Variants in SCHIP1 observed in about 807,000 individuals in gnomAD.
SCHIP1 encodes schwannomin interacting protein 1.
A neutral mutation model predicts 29.7 loss-of-function variants in SCHIP1; 8 were observed. The ratio of observed to expected loss-of-function variants is 0.27; its 90% CI spans 0.16 to 0.49. The LOEUF is 0.49. SCHIP1 is among the 20% of genes least tolerant of loss of function. SCHIP1 has a pLI of 0.99. For missense variants in SCHIP1, 193 were observed against 294.6 expected, an observed-to-expected ratio of 0.66 and a Z score of 2.52; for synonymous variants, 76 against 94.9, an observed-to-expected ratio of 0.80 and a Z score of 1.16.
the SCHIP1 span, among the ~76,000 whole-genome samples, chr3:159,822,374 T>C: frequency 9.2e-5 from 14 of 151,912 alleles, no homozygotes; most frequent in African/African-American, 3.4e-4. Flanking sequence ...TAAGGCCTAG[T>C]GCAATGGAAG....
At chr3:159,737,233 A>G in the SCHIP1 span, among the ~76,000 whole-genome samples, 3 of 152,032 alleles carry the variant, frequency 2.0e-5, no homozygotes, top group African/African-American at 4.8e-5. Context: ...TATCACTTCT[A>G]TTATCCACTC....
the SCHIP1 span, among the ~76,000 whole-genome samples, chr3:159,631,694 C>T: frequency 1.3e-5 from 2 of 152,072 alleles, no homozygotes; most frequent in African/African-American, 4.8e-5. Context: ...GGAGTTATCG[C>T]TTAATAGTTA....
chr3:159,736,031 T>C, the SCHIP1 span, among the ~76,000 whole-genome samples: 1 of 152,146 alleles, frequency 6.6e-6, no homozygotes, highest in African/African-American at 2.4e-5. Flanking sequence ...TCAGTAATTA[T>C]GTTGGATCTG....
chr3:159,512,432 G>A, the SCHIP1 span, among the ~76,000 whole-genome samples: 1 of 152,110 alleles, frequency 6.6e-6, no homozygotes, highest in Non-Finnish European at 1.5e-5. Context: ...CCAGCAATTT[G>A]GTCACTGCCT....
the SCHIP1 span, among the ~76,000 whole-genome samples, chr3:159,584,511 GA>G: frequency 1.3e-5 from 2 of 152,136 alleles, no homozygotes; most frequent in African/African-American, 4.8e-5. Context: ...GTTTAATCAG[GA>G]ACATTATCAG....
the SCHIP1 span, among the ~76,000 whole-genome samples, chr3:159,298,372 G>T: frequency 1.3e-5 from 2 of 152,082 alleles, no homozygotes; most frequent in Admixed American, 6.6e-5. Flanking sequence ...ACCTAGAATT[G>T]TTATTAATTG....
At chr3:159,501,708 A>G in the SCHIP1 span, among the ~76,000 whole-genome samples, 1 of 152,218 alleles carries the variant, frequency 6.6e-6, no homozygotes, top group Non-Finnish European at 1.5e-5. Flanking sequence ...CTTAATAGTC[A>G]CCTATAATGA....
chr3:159,886,442 C>T (rs2109436926), intron 3 of SCHIP1, 118 bp downstream of exon 4: 1 of 874,670 alleles, frequency 1.1e-6, no homozygotes. Context: ...AGAAAAGTTT[C>T]TTGGAATTGC....
At chr3:159,743,854 T>C in the SCHIP1 span, among the ~76,000 whole-genome samples, 1 of 152,242 alleles carries the variant, frequency 6.6e-6, no homozygotes, top group African/African-American at 2.4e-5. Context: ...TTTTTCTCTA[T>C]ATTATTTCTT....
the SCHIP1 span, among the ~76,000 whole-genome samples, chr3:159,541,309 AAGTT>A: frequency 6.6e-6 from 1 of 152,084 alleles, no homozygotes; most frequent in African/African-American, 2.4e-5. Context: ...GATACAAAGA[AAGTT>A]AGAGCAGATG....
intron 2 of SCHIP1, among the ~76,000 whole-genome samples, chr3:159,880,908 CTT>C (rs1716370295): frequency 6.6e-6 from 1 of 152,122 alleles, no homozygotes; most frequent in Non-Finnish European, 1.5e-5. Context: ...GAGGCAGAAA[CTT>C]TTCCTTTTGT....
chr3:159,828,387 A>ATATGTATATATG, the SCHIP1 span, among the ~76,000 whole-genome samples: 4 of 65,536 alleles, frequency 6.1e-5, no homozygotes, highest in African/African-American at 1.8e-4. Context: ...ATATATATAT[A>ATATGTATATATG]CATATATACG....
chr3:159,683,960 T>A, the SCHIP1 span, among the ~76,000 whole-genome samples: 2 of 152,236 alleles, frequency 1.3e-5, no homozygotes, highest in African/African-American at 4.8e-5. Flanking sequence ...TTTAATTTTC[T>A]GTATCTTAAA....
At chr3:159,744,251 A>G in the SCHIP1 span, among the ~76,000 whole-genome samples, 3 of 152,256 alleles carry the variant, frequency 2.0e-5, no homozygotes, top group African/African-American at 7.2e-5. Flanking sequence ...TTTAAAAATA[A>G]AAAGATAAAT....
the SCHIP1 span, among the ~76,000 whole-genome samples, chr3:159,456,503 C>T: frequency 2.0e-5 from 3 of 152,176 alleles, no homozygotes; most frequent in African/African-American, 4.8e-5. Flanking sequence ...ATCTGTACCT[C>T]ACTTTCTCTA....
At chr3:159,848,281 G>A (rs566681761) in intron 1 of SCHIP1, among the ~76,000 whole-genome samples, 36 of 152,282 alleles carry the variant, frequency 2.4e-4, no homozygotes, top group African/African-American at 8.2e-4. Flanking sequence ...AAGGGAGAGC[G>A]CTAGTATCTG....
chr3:159,657,790 C>T, the SCHIP1 span, among the ~76,000 whole-genome samples: 1 of 152,208 alleles, frequency 6.6e-6, no homozygotes, highest in African/African-American at 2.4e-5. Context: ...CTTGGAGGTG[C>T]ATTCTGTGGA....
At chr3:159,389,354 T>G in the SCHIP1 span, among the ~76,000 whole-genome samples, 34 of 152,064 alleles carry the variant, frequency 2.2e-4, no homozygotes, top group Admixed American at 2.2e-3. Context: ...AAAATGTTCC[T>G]CTATCTGATG....
the SCHIP1 span, among the ~76,000 whole-genome samples, chr3:159,674,153 C>G: frequency 6.6e-6 from 1 of 152,228 alleles, no homozygotes; most frequent in Non-Finnish European, 1.5e-5. Flanking sequence ...ATCCCACAAA[C>G]TTTCACTCTC....
Sources: gnomAD v4.1 joint callset for allele counts (sites outside exome capture counted in the v4.1 genomes callset) on GRCh38, gnomAD v4.1.1 for gene constraint, MANE v1.5 for transcripts, NCBI Gene and HGNC (gene_info 2026-07-23, HGNC 2026-07-21) for gene names.